Variants in DIAPH2 observed in about 807,000 individuals in gnomAD.
DIAPH2 encodes protein diaphanous homolog 2.
DIAPH2 carries 35 observed loss-of-function variants against 92.7 expected under a neutral mutation model. That is an observed-to-expected ratio of 0.38 (90% CI 0.29 to 0.50). The LOEUF (loss-of-function observed/expected upper bound fraction) is 0.50, where lower values mean the gene tolerates loss of function less well. Ranked by LOEUF, DIAPH2 falls within the 20% of genes least tolerant of loss-of-function variation. The pLI is 0.94. For synonymous variants in DIAPH2, 301 were observed against 280.4 expected, an observed-to-expected ratio of 1.07 and a Z score of -0.73; for missense variants, 701 against 819.5, an observed-to-expected ratio of 0.86 and a Z score of 1.77.
intron 17 of DIAPH2, among the ~76,000 whole-genome samples, chrX:97,046,416 G>A (rs1243499665): frequency 9.0e-6 from 1 of 110,913 alleles, no homozygotes; most frequent in African/African-American, 3.3e-5. Flanking sequence ...TTATGGGTGG[G>A]GAGGTGCCAT....
At position 97,444,295 on chromosome X, in the gene DIAPH2, A is replaced by ATT. The variant is rs35155405; in HGVS notation, c.3241+14561_3241+14562dup. On this transcript the variant is annotated intron_variant, in intron 26 of 26. Coordinates refer to ENST00000324765, the MANE Select transcript of DIAPH2 (RefSeq NM_006729.5). ...AATACTCTCTGGGCAATGAACAGGA[A>ATT]TTTTTTTTTTTTAATTTCATACATT... is the stretch of plus-strand genomic sequence containing the variant. Among the ~76,000 whole-genome samples the ATT allele has an allele frequency of 2.1e-3, 222 of 103,258 alleles. 1 individual carries two copies. The highest frequency in any genetic ancestry group is 3.6e-3 in the African/African-American group (103 of 28,665). 89.7% of individuals were successfully genotyped at this position (103,258 alleles called of 115,157 possible). A position where few individuals can be genotyped will look rare whatever the true frequency, so the allele number is the denominator to read the frequency against.
At chrX:97,469,715 C>G (rs373837567) in intron 26 of DIAPH2, 7 of 1,205,351 alleles carry the variant, frequency 5.8e-6, no homozygotes, top group African/African-American at 5.3e-5. Flanking sequence ...CCCTGTGCAA[C>G]AAGGGCTAAT....
intron 23 of DIAPH2, among the ~76,000 whole-genome samples, chrX:97,272,819 C>G (rs1419272564): frequency 1.8e-5 from 2 of 112,415 alleles, no homozygotes; most frequent in Non-Finnish European, 3.7e-5. Context: ...GCAGTATTCA[C>G]TGCATACATT....
chrX:97,359,362 T>A (rs2069299880), intron 24 of DIAPH2, among the ~76,000 whole-genome samples: 1 of 110,464 alleles, frequency 9.1e-6, no homozygotes, highest in African/African-American at 3.3e-5. Flanking sequence ...ATATAATGAT[T>A]TGTAATCTAA....
At chrX:96,887,738 A>G (rs967104217) in intron 5 of DIAPH2, among the ~76,000 whole-genome samples, 1 of 111,653 alleles carries the variant, frequency 9.0e-6, no homozygotes, top group Non-Finnish European at 1.9e-5. Flanking sequence ...TATAACAGCA[A>G]TTTAAAAAAT....
chrX:97,107,472 A>G (rs1381212373), intron 20 of DIAPH2, among the ~76,000 whole-genome samples: 2 of 112,065 alleles, frequency 1.8e-5, no homozygotes, highest in East Asian at 5.6e-4. Flanking sequence ...TAGAATGAGT[A>G]TAAGTAGGAG....
intron 23 of DIAPH2, among the ~76,000 whole-genome samples, chrX:97,335,073 C>G (rs1736051489): frequency 9.5e-6 from 1 of 104,873 alleles, no homozygotes; most frequent in Non-Finnish European, 1.9e-5. Flanking sequence ...TCTGAATCCA[C>G]CACATACTAT....
intron 1 of DIAPH2, among the ~76,000 whole-genome samples, chrX:96,719,310 T>G (rs1167583985): frequency 8.9e-6 from 1 of 112,253 alleles, no homozygotes; most frequent in Non-Finnish European, 1.9e-5. Flanking sequence ...GTGTCCATTT[T>G]TGGTTTGGTT....
intron 12 of DIAPH2, among the ~76,000 whole-genome samples, chrX:96,940,963 G>A (rs2065700256): frequency 9.0e-6 from 1 of 110,957 alleles, no homozygotes; most frequent in South Asian, 3.8e-4. Flanking sequence ...TGATTAACCT[G>A]GCCCCAGCTG....
intron 4 of DIAPH2, among the ~76,000 whole-genome samples, chrX:96,809,568 G>C (rs2064658863): frequency 9.3e-6 from 1 of 107,052 alleles, no homozygotes; most frequent in Non-Finnish European, 1.9e-5. Context: ...TGCACAACGT[G>C]CAGGTTTGTT....
chrX:96,781,152 C>G (rs936586424), intron 4 of DIAPH2, among the ~76,000 whole-genome samples: 8 of 111,225 alleles, frequency 7.2e-5, no homozygotes, highest in Non-Finnish European at 1.1e-4. Flanking sequence ...ATTGGGAATT[C>G]TTACTGCTCT....
chrX:97,509,928 TTC>T (rs1438535777), intron 26 of DIAPH2, among the ~76,000 whole-genome samples: 202 of 111,047 alleles, frequency 1.8e-3, no homozygotes, highest in African/African-American at 6.4e-3. Context: ...TTTGGGTTGG[TTC>T]CAAGTCTTTG....
intron 26 of DIAPH2, among the ~76,000 whole-genome samples, chrX:97,566,356 G>A (rs1434106518): frequency 9.0e-6 from 1 of 111,348 alleles, no homozygotes. Flanking sequence ...TTTATTCATC[G>A]TATATATGTA....
At chrX:97,515,372 C>T (rs746719057) in intron 26 of DIAPH2, among the ~76,000 whole-genome samples, 5 of 112,452 alleles carry the variant, frequency 4.4e-5, no homozygotes, top group Admixed American at 9.3e-5. Flanking sequence ...CTTCGGCTTG[C>T]GCACGGTGCG....
intron 24 of DIAPH2, among the ~76,000 whole-genome samples, chrX:97,376,463 C>A (rs746627391): frequency 8.9e-6 from 1 of 112,007 alleles, no homozygotes; most frequent in African/African-American, 3.2e-5. Flanking sequence ...AAGAATTCTT[C>A]TTTCTCCCCA....
chrX:97,403,313 A>G (rs1299758889), intron 25 of DIAPH2, among the ~76,000 whole-genome samples: 1 of 112,508 alleles, frequency 8.9e-6, no homozygotes, highest in Non-Finnish European at 1.9e-5. Flanking sequence ...CAATTCCAGC[A>G]TGATCTTTGT....
chrX:97,250,182 T>G (rs1246957957), intron 23 of DIAPH2, among the ~76,000 whole-genome samples: 1 of 111,746 alleles, frequency 8.9e-6, no homozygotes, highest in Non-Finnish European at 1.9e-5. Context: ...CTTTCCAATA[T>G]TTCCATCCAG....
At chrX:96,961,324 C>G (rs2065846039) in intron 16 of DIAPH2, among the ~76,000 whole-genome samples, 2 of 108,605 alleles carry the variant, frequency 1.8e-5, no homozygotes, top group Admixed American at 9.9e-5. Context: ...ATAGTAGTCT[C>G]TGATATCTTT....
chrX:97,571,463 A>G (rs1034343055), intron 26 of DIAPH2, among the ~76,000 whole-genome samples: 6 of 111,753 alleles, frequency 5.4e-5, no homozygotes, highest in Admixed American at 2.9e-4. Flanking sequence ...CATTAAAAAT[A>G]CAGTAGATGA....
Sources: allele counts gnomAD v4.1 joint callset (sites outside exome capture counted in the v4.1 genomes callset), GRCh38; gene constraint gnomAD v4.1.1; transcripts MANE v1.5; gene names NCBI Gene and HGNC (gene_info 2026-07-23, HGNC 2026-07-21).